Variants in BTBD3 observed in about 807,000 individuals in gnomAD.
BTBD3 encodes BTB domain containing 3, also known as BTB/POZ domain-containing protein 3.
Under a neutral mutation model 41.6 loss-of-function variants are expected in BTBD3, and 14 were observed. The observed-to-expected ratio is 0.34, with a 90% confidence interval of 0.22 to 0.53. The LOEUF is 0.53. Ranked by LOEUF, BTBD3 falls within the 20% of genes least tolerant of loss-of-function variation. BTBD3 has a pLI of 0.95. For synonymous variants in BTBD3, 249 were observed against 233.7 expected (o/e 1.07, Z -0.60); for missense variants, 426 against 654.7 (o/e 0.65, Z 3.81).
At chr20:11,921,465 G>A (rs2056969176) in intron 3 of BTBD3, 1 of 152,340 alleles carries the variant, frequency 6.6e-6, no homozygotes, top group East Asian at 1.9e-4. Context: ...TCCTGGGGTT[G>A]TCAGAAAAAG....
At chr20:11,921,233 A>T (rs2056967630) in intron 3 of BTBD3, among the ~76,000 whole-genome samples, 1 of 152,252 alleles carries the variant, frequency 6.6e-6, no homozygotes, top group African/African-American at 2.4e-5. Flanking sequence ...CATGAACAAG[A>T]ATGGCAGAGA....
intron 1 of BTBD3, among the ~76,000 whole-genome samples, chr20:11,900,803 G>A (rs868027363): frequency 2.1e-4 from 32 of 151,046 alleles, no homozygotes; most frequent in African/African-American, 7.3e-4. Flanking sequence ...TGCCTTCTGG[G>A]TTCACGCCTT....
chr20:11,896,845 G>A (rs544298941), intron 1 of BTBD3, among the ~76,000 whole-genome samples: 2 of 152,334 alleles, frequency 1.3e-5, no homozygotes, highest in South Asian at 2.1e-4. Flanking sequence ...TGGGAAGAAT[G>A]TAGTATAACA....
upstream of BTBD3, among the ~76,000 whole-genome samples, chr20:11,917,493 T>A (rs1192828900): frequency 6.6e-6 from 1 of 152,236 alleles, no homozygotes; most frequent in East Asian, 1.9e-4. Context: ...TTAATAGCCC[T>A]TTTCAGTTTA....
chr20:11,923,049 T>C lies in BTBD3; in HGVS notation c.952T>C (p.Tyr318His), dbSNP rs199603777. 1 of 1,614,092 alleles carries C rather than the reference T, an allele frequency of 6.2e-7. No individual in the cohort carries two copies. Among genetic ancestry groups the C allele is most frequent in the East Asian group, 2.2e-5 (1 of 44,888 alleles). Residue 318 changes from tyrosine (Y) to histidine (H), a missense_variant, in exon 4 of 4, where the codon TAC becomes CAC. Coordinates refer to ENST00000378226, the MANE Select transcript of BTBD3 (RefSeq NM_014962.4). This position sits in a 1 kb window ranked among gnomAD's most constrained non-coding sequence, Gnocchi z 5.3. ...NKRKVLGKALYLIRIPTMALD... is the reference protein window; with the variant it reads ...NKRKVLGKALHLIRIPTMALD... ...ACGCAAGGTTCTAGGAAAGGCACTT[T>C]ACTTGATCCGCATACCCACAATGGC...
intron 1 of BTBD3, among the ~76,000 whole-genome samples, chr20:11,903,052 C>T (rs1314840402): frequency 2.0e-5 from 3 of 152,020 alleles, no homozygotes; most frequent in Non-Finnish European, 2.9e-5. Context: ...TCAAGGGTTA[C>T]CTGTATTTTT....
chr20:11,904,428 G>T (rs1177725961), intron 1 of BTBD3, among the ~76,000 whole-genome samples: 1 of 152,112 alleles, frequency 6.6e-6, no homozygotes, highest in Non-Finnish European at 1.5e-5. Context: ...CAACATTGGG[G>T]ATTACAATTC....
intron 1 of BTBD3, among the ~76,000 whole-genome samples, chr20:11,897,136 A>G (rs141030073): frequency 6.6e-6 from 1 of 152,064 alleles, no homozygotes. Context: ...TCACCAGCCT[A>G]TGAATTTAGA....
rs544498612 is a variant in BTBD3 at position 11,912,060 on chromosome 20, G to A, written c.-125-6274G>A. ...ACCCCAAATCTAAAGTACAATTCAAGGTTAACTGGAGCTCTGTGTGGTGAA... is the reference window on the plus strand; with the variant it reads ...ACCCCAAATCTAAAGTACAATTCAAAGTTAACTGGAGCTCTGTGTGGTGAA... On this transcript the variant is annotated intron_variant, in intron 1 of 4. Coordinates refer to the BTBD3 transcript ENST00000254977. Among the ~76,000 whole-genome samples the A allele has an allele frequency of 5.0e-3, 761 of 152,112 alleles. 8 individuals carry two copies. Among genetic ancestry groups the A allele is most frequent in the African/African-American group, 0.017 (710 of 41,480 alleles).
At chr20:11,893,683 A>G (rs1229805435) in intron 1 of BTBD3, among the ~76,000 whole-genome samples, 6 of 152,226 alleles carry the variant, frequency 3.9e-5, no homozygotes, top group African/African-American at 1.4e-4. Context: ...CTTTTAAAAA[A>G]TTAAATAAAA....
At chr20:11,894,154 G>C (rs1423088305) in intron 1 of BTBD3, among the ~76,000 whole-genome samples, 1 of 152,222 alleles carries the variant, frequency 6.6e-6, no homozygotes, top group African/African-American at 2.4e-5. Flanking sequence ...TAGAGTTTTG[G>C]TGAGATGGAA....
chr20:11,922,768 A>G lies in BTBD3; in HGVS notation c.671A>G (p.Asn224Ser), dbSNP rs1380865962. The change falls in exon 4 of 4, where the codon AAT (asparagine) becomes AGT (serine). Residue 224 changes from asparagine (N) to serine (S), a missense_variant. Around this residue, in one of 3 missense-constraint regions of BTBD3, gnomAD observed 321 missense variants for 534.8 expected, o/e 0.60. Coordinates refer to ENST00000378226, the MANE Select transcript of BTBD3 (RefSeq NM_014962.4). ...NFLETSLSAK[N>S]ACVLLSQSCL... ...CTGGAGACCAGCCTGAGTGCCAAGA[A>G]TGCCTGTGTGCTCCTCTCCCAGAGC... 6.2e-7 allele frequency: 1 copy of G among 1,614,038 alleles called. No homozygotes were observed. Among genetic ancestry groups the G allele is most frequent in the African/African-American group, 1.3e-5 (1 of 74,920 alleles).
At chr20:11,915,773 C>T (rs986306187), upstream of BTBD3, among the ~76,000 whole-genome samples, 6 of 152,128 alleles carry the variant, frequency 3.9e-5, no homozygotes, top group Non-Finnish European at 5.9e-5. Context: ...TCAGATTTAG[C>T]GCTACTTCAT....
rs1443009965 is a variant in BTBD3, at chr20:11,925,323, A to G, written c.*1657A>G. The G allele has an allele frequency of 6.5e-6, 1 of 152,712 alleles. No homozygotes were observed. The highest frequency in any genetic ancestry group is 1.5e-5 in the Non-Finnish European group (1 of 68,080). The allele number at this position is 152,712 out of a possible 1,614,324, so 9.5% of individuals were successfully genotyped here. A position where few individuals can be genotyped will look rare whatever the true frequency, so the allele number is the denominator to read the frequency against. On this transcript the variant is annotated 3_prime_UTR_variant, in exon 4 of 4. Coordinates refer to ENST00000378226, the MANE Select transcript of BTBD3 (RefSeq NM_014962.4). ...CCTCCTGCTGGCCCCAGCAAGGCCC[A>G]TGAGTGACTGCCCTGACGTATTCAC...
upstream of BTBD3, among the ~76,000 whole-genome samples, chr20:11,916,652 T>A (rs1401464647): frequency 6.6e-6 from 1 of 152,234 alleles, no homozygotes; most frequent in East Asian, 1.9e-4. Context: ...GATTATTAAT[T>A]ATAACAATAA....
At chr20:11,905,831 T>C (rs1231397137) in intron 1 of BTBD3, among the ~76,000 whole-genome samples, 2 of 152,234 alleles carry the variant, frequency 1.3e-5, no homozygotes, top group Non-Finnish European at 2.9e-5. Context: ...TGGCCTTTGT[T>C]CTGCATCACC....
chr20:11,901,133 A>G (rs1027737669), intron 1 of BTBD3, among the ~76,000 whole-genome samples: 3 of 152,180 alleles, frequency 2.0e-5, no homozygotes, highest in East Asian at 3.9e-4. Flanking sequence ...CTTATTTTCA[A>G]TAGAAAAAAA....
intron 1 of BTBD3, among the ~76,000 whole-genome samples, chr20:11,898,027 A>G (rs979828281): frequency 5.9e-5 from 9 of 152,222 alleles, no homozygotes; most frequent in Middle Eastern, 3.4e-3. Flanking sequence ...ACGTGATGGC[A>G]TGCACCTGTA....
intron 1 of BTBD3, among the ~76,000 whole-genome samples, chr20:11,908,627 A>G (rs73897033): frequency 6.6e-6 from 1 of 151,956 alleles, no homozygotes; most frequent in East Asian, 1.9e-4. Flanking sequence ...GCTCTTAATT[A>G]AAAAAATAAT....
Sources: allele counts gnomAD v4.1 joint callset (sites outside exome capture counted in the v4.1 genomes callset), GRCh38; gene constraint gnomAD v4.1.1; regional missense constraint gnomAD v4.1.1; non-coding constraint Gnocchi (gnomAD v3.1); transcripts MANE v1.5; gene names NCBI Gene and HGNC (gene_info 2026-07-23, HGNC 2026-07-21).